PLD5: variants seen among roughly 807,000 people sequenced by gnomAD.
PLD5 encodes phospholipase D family member 5.
In PLD5, 36 loss-of-function variants were observed where a neutral mutation model predicts 61.1. The ratio of observed to expected loss-of-function variants is 0.59; its 90% CI spans 0.45 to 0.78. The LOEUF (loss-of-function observed/expected upper bound fraction) is 0.78, where lower values mean the gene tolerates loss of function less well. Among genes scored for constraint, PLD5 ranks in the 30% least tolerant of loss-of-function variants. The pLI is 0.00. For synonymous variants in PLD5, 243 were observed against 242.8 expected (o/e 1.00, Z -0.01); for missense variants, 515 against 644.4 (o/e 0.80, Z 2.17).
chr1:242,169,309 G>T (rs908595066), intron 5 of PLD5, among the ~76,000 whole-genome samples: 5 of 152,126 alleles, frequency 3.3e-5, no homozygotes, highest in African/African-American at 9.7e-5. Flanking sequence ...GTAGGGTGGG[G>T]TGTCACCTCA....
intron 3 of PLD5, among the ~76,000 whole-genome samples, chr1:242,280,607 T>C (rs1434952176): frequency 2.0e-5 from 3 of 152,220 alleles, no homozygotes; most frequent in Non-Finnish European, 4.4e-5. Flanking sequence ...CCTGACTGCT[T>C]TACCCAACCT....
chr1:242,455,044 C>T (rs560213877), intron 1 of PLD5, among the ~76,000 whole-genome samples: 5 of 152,272 alleles, frequency 3.3e-5, no homozygotes, highest in South Asian at 2.1e-4. Context: ...GTTAAAAATA[C>T]GGGCGTAAAT....
intron 1 of PLD5, among the ~76,000 whole-genome samples, chr1:242,473,225 A>G (rs1194504574): frequency 6.6e-6 from 1 of 152,212 alleles, no homozygotes; most frequent in Non-Finnish European, 1.5e-5. Context: ...TGGATTAAAA[A>G]TAACCAAAAA....
chr1:242,133,425 A>C (rs1663459884), intron 5 of PLD5, among the ~76,000 whole-genome samples: 1 of 152,086 alleles, frequency 6.6e-6, no homozygotes, highest in Non-Finnish European at 1.5e-5. Context: ...CACTTTGTGG[A>C]GTATACTTTT....
intron 5 of PLD5, among the ~76,000 whole-genome samples, chr1:242,171,740 G>A (rs1204250669): frequency 6.6e-6 from 1 of 151,190 alleles, no homozygotes; most frequent in Admixed American, 6.6e-5. Flanking sequence ...AGCAGGAGTT[G>A]CAATCCTAAT....
rs375579697 is a variant in PLD5, at chr1:242,265,308, G to A, written c.607+29C>T. On this transcript the variant is annotated intron_variant, in intron 4 of 9. Coordinates refer to ENST00000536534, the MANE Select transcript of PLD5 (RefSeq NM_001372062.1). ...AGGTATCTTAACAGAACACCCAGCG[G>A]TAGAATAGCATATCAACCTTGGTCT... 9 of 1,594,254 alleles carry A rather than the reference G, an allele frequency of 5.6e-6. No individual in the cohort carries two copies. In the African/African-American group the frequency reaches 8.1e-5, roughly 14 times the overall value.
intron 1 of PLD5, among the ~76,000 whole-genome samples, chr1:242,429,104 G>A (rs1041440283): frequency 2.0e-5 from 3 of 152,134 alleles, no homozygotes; most frequent in Non-Finnish European, 4.4e-5. Context: ...GAATGACCAC[G>A]AAAAAGTCAT....
chr1:242,523,167 C>T (rs1164798353), intron 1 of PLD5, among the ~76,000 whole-genome samples: 3 of 152,132 alleles, frequency 2.0e-5, no homozygotes. Flanking sequence ...CTCCACATTC[C>T]ATTAGCAGAC....
chr1:242,521,222 C>T (rs560241986), intron 1 of PLD5, among the ~76,000 whole-genome samples: 53 of 152,300 alleles, frequency 3.5e-4, no homozygotes, highest in African/African-American at 1.3e-3. Flanking sequence ...TAAGTGTCGA[C>T]CATCCAGTGA....
chr1:242,373,279 T>A (rs1459084681), intron 1 of PLD5, among the ~76,000 whole-genome samples: 5 of 152,064 alleles, frequency 3.3e-5, no homozygotes, highest in African/African-American at 1.2e-4. Context: ...AGAATGGCGA[T>A]CATTAAAAAG....
At chr1:242,286,105 T>C (rs1212181127) in intron 3 of PLD5, among the ~76,000 whole-genome samples, 2 of 151,792 alleles carry the variant, frequency 1.3e-5, no homozygotes, top group Non-Finnish European at 2.9e-5. Context: ...CGAGTCTCTG[T>C]CTCCAAAAAT....
chr1:242,436,650 G>A (rs1041924839), intron 1 of PLD5, among the ~76,000 whole-genome samples: 7 of 152,070 alleles, frequency 4.6e-5, no homozygotes, highest in African/African-American at 9.7e-5. Context: ...GATGTTTATC[G>A]AGCTAAGTTT....
intron 5 of PLD5, among the ~76,000 whole-genome samples, chr1:242,187,912 G>C (rs764589841): frequency 4.6e-5 from 7 of 152,178 alleles, no homozygotes; most frequent in Non-Finnish European, 1.0e-4. Flanking sequence ...AATACAGATA[G>C]GAGTGAAACT....
intron 1 of PLD5, among the ~76,000 whole-genome samples, chr1:242,510,216 TAC>T (rs754623206): frequency 6.6e-6 from 1 of 151,148 alleles, no homozygotes; most frequent in East Asian, 1.9e-4. Context: ...TCTAAGCACA[TAC>T]ACACACACAC....
intron 2 of PLD5, among the ~76,000 whole-genome samples, chr1:242,308,382 T>C (rs1336751041): frequency 1.3e-5 from 2 of 152,342 alleles, no homozygotes; most frequent in African/African-American, 4.8e-5. Context: ...GTCTGTCTGC[T>C]ACTCAAATTA....
chr1:242,348,922 CAG>C (rs1660309328), intron 1 of PLD5, among the ~76,000 whole-genome samples: 1 of 152,082 alleles, frequency 6.6e-6, no homozygotes, highest in Non-Finnish European at 1.5e-5. Context: ...GGCGTGGTGG[CAG>C]GCGCCTGTAA....
At chr1:242,280,442 GTGTTT>G (rs145532233) in intron 3 of PLD5, among the ~76,000 whole-genome samples, 8,753 of 152,178 alleles carry the variant, frequency 0.058, 347 homozygotes, top group Admixed American at 0.11. Flanking sequence ...TAATTTATAC[GTGTTT>G]TATTTTTCCC....
At chr1:242,288,605 C>G (rs1574671903) in intron 2 of PLD5, 75 bp from the exon 3 acceptor site, 5 of 1,477,470 alleles carry the variant, frequency 3.4e-6, no homozygotes, top group East Asian at 4.9e-5. Context: ...TATATGCATA[C>G]AGCAGACATC....
intron 3 of PLD5, among the ~76,000 whole-genome samples, chr1:242,280,662 T>C (rs2841915): frequency 6.6e-6 from 1 of 152,232 alleles, no homozygotes; most frequent in Non-Finnish European, 1.5e-5. Context: ...TTAAAGGATC[T>C]AGTCTCCACC....
Sources: gnomAD v4.1 joint callset for allele counts (sites outside exome capture counted in the v4.1 genomes callset) on GRCh38, gnomAD v4.1.1 for gene constraint, MANE v1.5 for transcripts, NCBI Gene and HGNC (gene_info 2026-07-23, HGNC 2026-07-21) for gene names.